Variants in TLE5 observed in about 807,000 individuals in gnomAD.
TLE5 encodes TLE family member 5.
Under a neutral mutation model 25.8 loss-of-function variants are expected in TLE5, and 7 were observed. The observed-to-expected ratio is 0.27, with a 90% CI of 0.15 to 0.51. TLE5 has a LOEUF of 0.51. Ranked by LOEUF, TLE5 falls within the 20% of genes least tolerant of loss-of-function variation. The probability of loss-of-function intolerance (pLI) is 0.97; values close to 1 mark genes in which losing one functional copy is unlikely to be tolerated. For synonymous variants in TLE5, 132 were observed against 110.5 expected (o/e 1.20, Z -1.22); for missense variants, 149 against 250.7 (o/e 0.59, Z 2.74).
At chr19:3,060,601 G>A (rs1247886150) in intron 2 of TLE5, among the ~76,000 whole-genome samples, 2 of 152,002 alleles carry the variant, frequency 1.3e-5, no homozygotes, top group Non-Finnish European at 2.9e-5. Flanking sequence ...CAAAGTGCTG[G>A]GATTACAGGC....
At chr19:3,056,024 G>A (rs147578585) in intron 4 of TLE5, 6,653 of 526,058 alleles carry the variant, frequency 0.013, 57 homozygotes, top group Non-Finnish European at 0.019. Flanking sequence ...GGTAGTAAGC[G>A]CTTGTGCGAA....
intron 2 of TLE5, among the ~76,000 whole-genome samples, chr19:3,058,285 G>A (rs1287333974): frequency 1.3e-5 from 2 of 152,082 alleles, no homozygotes. Flanking sequence ...CACCTCTCAC[G>A]GTCCCGACGA....
chr19:3,053,711 GT>G lies in TLE5; in HGVS notation c.*107del. ...GGCGGCCACCATAAATACTATGGGA[GT>G]TTAGCCAATCCCGAGCTCCGCTGTG... On this transcript the variant is annotated 3_prime_UTR_variant, in exon 7 of 7. Coordinates refer to ENST00000327141, the MANE Select transcript of TLE5 (RefSeq NM_001130.6). 7.6e-7 allele frequency: 1 copy of G among 1,308,318 alleles called. No homozygotes were observed. The highest frequency in any genetic ancestry group is 1.4e-5 in the South Asian group (1 of 70,672). 81.0% of individuals were successfully genotyped at this position (1,308,318 alleles called of 1,614,324 possible). A position where few individuals can be genotyped will look rare whatever the true frequency, so the allele number is the denominator to read the frequency against.
At chr19:3,057,251 G>A (rs2090226869) in intron 3 of TLE5, among the ~76,000 whole-genome samples, 1 of 152,230 alleles carries the variant, frequency 6.6e-6, no homozygotes, top group South Asian at 2.1e-4. Flanking sequence ...GAAATGGGTA[G>A]GGCTCAGACC....
chr19:3,057,070 C>A lies in TLE5; in HGVS notation c.189+609G>T, dbSNP rs562519679. On this transcript the variant is annotated intron_variant, in intron 3 of 6. Transcript: ENST00000327141. ...GGTCAGGGTCTGGCTCTGCCTCCCCCACAGTCTGGGAGATTTGGGTACTGG... is the reference window on the plus strand; with the variant it reads ...GGTCAGGGTCTGGCTCTGCCTCCCCAACAGTCTGGGAGATTTGGGTACTGG... Among the ~76,000 whole-genome samples, 3 of 152,340 alleles carry A rather than the reference C, an allele frequency of 2.0e-5. No individual in the cohort carries two copies. In the South Asian group the frequency reaches 6.2e-4, roughly 32 times the overall value.
Position 3,053,899 on chromosome 19 carries a change from G to C in TLE5, c.514C>G (p.Gln172Glu), listed in dbSNP as rs776296055. The C allele has an allele frequency of 6.2e-7, 1 of 1,613,246 alleles. No individual in the cohort carries two copies. Among genetic ancestry groups the C allele is most frequent in the Non-Finnish European group, 8.5e-7 (1 of 1,180,018 alleles). The change falls in exon 7 of 7, where the codon CAG (glutamine) becomes GAG (glutamate). Residue 172 changes from glutamine (Q) to glutamate (E), a missense_variant. Gln to Glu is a conservative substitution (Grantham distance 29, BLOSUM62 2). Coordinates refer to ENST00000327141, the MANE Select transcript of TLE5 (RefSeq NM_001130.6). ...TTGTCTTCCTTGGAGAGGTGGGCCT[G>C]GGAACCCAGCGCGGACAGCGAGAGG... is the stretch of plus-strand genomic sequence containing the variant. Reference protein sequence around the residue: ...GLLSLSALGSQAHLSKEDKNG... With the variant: ...GLLSLSALGSEAHLSKEDKNG...
chr19:3,057,020 C>A (rs771275756), intron 3 of TLE5, among the ~76,000 whole-genome samples: 1 of 152,166 alleles, frequency 6.6e-6, no homozygotes, highest in Admixed American at 6.5e-5. Context: ...CTCTCTGACC[C>A]CAGCCCTATT....
chr19:3,062,822 C>G, upstream of TLE5: 1 of 1,550,262 alleles, frequency 6.5e-7, no homozygotes, highest in African/African-American at 1.4e-5. Flanking sequence ...TGCTCTGTGA[C>G]CTTGGCTCTG....
Position 3,060,743 on chromosome 19 carries a change from G to A in TLE5, c.125+417C>T, listed in dbSNP as rs114809650. Reference sequence around the variant, plus strand: ...GATTTCTGAAAGAAGCAGCACCTTGGAGAATCTGACGGGTGCTGGGAACCC... The same window carrying A: ...GATTTCTGAAAGAAGCAGCACCTTGAAGAATCTGACGGGTGCTGGGAACCC... On this transcript the variant is annotated intron_variant, in intron 2 of 6. Transcript: ENST00000327141. Among the ~76,000 whole-genome samples, 789 of 152,284 alleles carry A rather than the reference G, an allele frequency of 5.2e-3. 5 individuals are homozygous for A. Among genetic ancestry groups the A allele is most frequent in the African/African-American group, 0.018 (738 of 41,560 alleles).
Position 3,057,671 on chromosome 19 carries a change from G to T in TLE5, c.189+8C>A, listed in dbSNP as rs750192743. 6.2e-6 allele frequency: 10 copies of T among 1,613,068 alleles called. No individual in the cohort carries two copies. The South Asian group carries it at 1.1e-4, about 18-fold the overall frequency. On this transcript the variant is annotated splice_region_variant and intron_variant, in intron 3 of 6. Coordinates refer to ENST00000327141, the MANE Select transcript of TLE5 (RefSeq NM_001130.6). The stretch of plus-strand genomic sequence containing the variant: ...CCAACACTGGACCTGGGGGCGGAGT[G>T]ACGTTACCATCACATAGTGACGCTG...
In TLE5 at chr19:3,053,938, C is replaced by A. The variant is rs899160634; in HGVS notation, c.475G>T (p.Ala159Ser). The stretch of plus-strand genomic sequence containing the variant: ...GACAGCGAGAGGAGGCCGGTGCCTG[C>A]GCTGACCGCCGGCAGCGAAGGCGGC... ...LQPPSLPAVSAGTGLLSLSAL... is the reference protein window; with the variant it reads ...LQPPSLPAVSSGTGLLSLSAL... The change falls in exon 7 of 7, where the codon GCA becomes TCA. Residue 159 changes from alanine to serine, a missense_variant. Coordinates refer to ENST00000327141, the MANE Select transcript of TLE5 (RefSeq NM_001130.6). 1.2e-6 allele frequency: 2 copies of A among 1,612,074 alleles called. No individual in the cohort carries two copies. Among genetic ancestry groups the A allele is most frequent in the East Asian group, 2.2e-5 (1 of 44,844 alleles).
intron 3 of TLE5, chr19:3,057,403 C>A: frequency 2.1e-6 from 1 of 470,972 alleles, no homozygotes; most frequent in Non-Finnish European, 3.9e-6. Context: ...GAGCCTCCCT[C>A]TCCTCCCTCC....
chr19:3,061,700 G>A (rs955874801), intron 1 of TLE5, among the ~76,000 whole-genome samples: 1 of 151,080 alleles, frequency 6.6e-6, no homozygotes, highest in African/African-American at 2.4e-5. Context: ...TCTTCCGGGG[G>A]GGCCCAACCC....
intron 6 of TLE5, 33 bp downstream of exon 6, chr19:3,054,087 C>CCCA (rs1568262662): frequency 6.8e-7 from 1 of 1,476,458 alleles, no homozygotes. Context: ...GCCCACCTGT[C>CCCA]CCCCGCCCAC....
At chr19:3,054,086 T>TCCGGGGGGGGGCCCCCC in intron 6 of TLE5, 34 bp downstream of exon 6, 3 of 1,512,804 alleles carry the variant, frequency 2.0e-6, no homozygotes, top group Non-Finnish European at 2.7e-6. Context: ...GGCCCACCTG[T>TCCGGGGGGGGGCCCCCC]CCCCCGCCCA....
intron 2 of TLE5, chr19:3,060,931 AC>A: frequency 5.7e-6 from 2 of 348,774 alleles, no homozygotes; most frequent in Non-Finnish European, 5.5e-6. Context: ...CTCTGAAGCC[AC>A]ACAGCTGAAT....
intron 3 of TLE5, 114 bp downstream of exon 3, chr19:3,057,565 G>A (rs148382760): frequency 1.5e-5 from 15 of 1,008,864 alleles, no homozygotes; most frequent in South Asian, 2.7e-5. Flanking sequence ...CCCGATCCTC[G>A]CGCTTCCCAG....
chr19:3,060,687 CCGCAG>C, intron 2 of TLE5, among the ~76,000 whole-genome samples: 1 of 152,276 alleles, frequency 6.6e-6, no homozygotes. Context: ...CCCTTAGATA[CCGCAG>C]CGTGGCAAGC....
chr19:3,053,723 C>A lies in TLE5; in HGVS notation c.*96G>T. ...AAATACTATGGGAGTTTAGCCAATC[C>A]CGAGCTCCGCTGTGTCTTGTGCTAA... On this transcript the variant is annotated 3_prime_UTR_variant, in exon 7 of 7. Transcript: ENST00000327141. 1 of 1,386,996 alleles carries A rather than the reference C, an allele frequency of 7.2e-7. No individual in the cohort carries two copies. Among genetic ancestry groups the A allele is most frequent in the Non-Finnish European group, 9.8e-7 (1 of 1,025,384 alleles). The allele number at this position is 1,386,996 out of a possible 1,614,324, so 85.9% of individuals were successfully genotyped here. A position where few individuals can be genotyped will look rare whatever the true frequency, so the allele number is the denominator to read the frequency against.
Sources: allele counts gnomAD v4.1 joint callset (sites outside exome capture counted in the v4.1 genomes callset), GRCh38; gene constraint gnomAD v4.1.1; transcripts MANE v1.5; gene names NCBI Gene and HGNC (gene_info 2026-07-23, HGNC 2026-07-21).